Variants in SLC22A15 observed in about 807,000 individuals in gnomAD.
SLC22A15 encodes the protein solute carrier family 22 member 15, also known as flipt 1.
In SLC22A15, 45 loss-of-function variants were observed where a neutral mutation model predicts 62.7. That is an observed-to-expected ratio of 0.72 (90% CI 0.56 to 0.92). The LOEUF (loss-of-function observed/expected upper bound fraction) is 0.92, where lower values mean the gene tolerates loss of function less well. Ranked by LOEUF, SLC22A15 falls within the 40% of genes least tolerant of loss-of-function variation. The probability of loss-of-function intolerance (pLI) is 0.00; values close to 1 mark genes in which losing one functional copy is unlikely to be tolerated. For missense variants in SLC22A15, 622 were observed against 665.6 expected (o/e 0.93, Z 0.72); for synonymous variants, 264 against 267.0 (o/e 0.99, Z 0.11).
chr1:115,998,465 T>A (rs1655535358), intron 2 of SLC22A15, among the ~76,000 whole-genome samples: 1 of 152,136 alleles, frequency 6.6e-6, no homozygotes, highest in African/African-American at 2.4e-5. Flanking sequence ...TTGATCTGGT[T>A]ACTTGTTATT....
chr1:115,987,394 G>C (rs1269873579), intron 1 of SLC22A15, among the ~76,000 whole-genome samples: 1 of 152,072 alleles, frequency 6.6e-6, no homozygotes, highest in East Asian at 1.9e-4. Context: ...TCGATCTCCT[G>C]ACCTTGTGAT....
At chr1:116,056,798 C>A (rs560911134) in intron 8 of SLC22A15, among the ~76,000 whole-genome samples, 103 of 152,198 alleles carry the variant, frequency 6.8e-4, no homozygotes, top group East Asian at 5.4e-3. Context: ...AAAAACAAGA[C>A]ATGGGGAAAG....
At chr1:115,977,768 T>A (rs1654388707) in intron 1 of SLC22A15, among the ~76,000 whole-genome samples, 1 of 151,960 alleles carries the variant, frequency 6.6e-6, no homozygotes, top group South Asian at 2.1e-4. Context: ...AAGTACAGAG[T>A]GGTCATGGAT....
chr1:116,000,160 T>C (rs1655649012), intron 2 of SLC22A15, among the ~76,000 whole-genome samples: 1 of 152,200 alleles, frequency 6.6e-6, no homozygotes. Flanking sequence ...TGTTTTCTGG[T>C]TGTTTTGTGG....
intron 8 of SLC22A15, 79 bp downstream of exon 8, chr1:116,037,467 A>T: frequency 2.9e-6 from 3 of 1,031,314 alleles, no homozygotes; most frequent in Non-Finnish European, 4.5e-6. Flanking sequence ...AGAGATGACC[A>T]TATGGCATGC....
At chr1:116,049,081 G>A (rs1657993898) in intron 8 of SLC22A15, among the ~76,000 whole-genome samples, 1 of 152,102 alleles carries the variant, frequency 6.6e-6, no homozygotes, top group African/African-American at 2.4e-5. Flanking sequence ...CCTAACACTA[G>A]AGCTCTCAAA....
chr1:116,058,780 A>G (rs1052876443), intron 8 of SLC22A15, among the ~76,000 whole-genome samples: 9 of 152,240 alleles, frequency 5.9e-5, no homozygotes, highest in Admixed American at 2.0e-4. Flanking sequence ...AATACTACTC[A>G]GCCATAAAAA....
chr1:116,005,275 C>T (rs749551195), intron 2 of SLC22A15, among the ~76,000 whole-genome samples: 2 of 152,060 alleles, frequency 1.3e-5, no homozygotes, highest in Non-Finnish European at 2.9e-5. Flanking sequence ...CCTATCATTT[C>T]TGATATGCCT....
chr1:115,983,077 GT>G (rs1654690840), intron 1 of SLC22A15, among the ~76,000 whole-genome samples: 1 of 152,150 alleles, frequency 6.6e-6, no homozygotes, highest in Non-Finnish European at 1.5e-5. Context: ...CTTTAGTTGT[GT>G]TTATCTAAGG....
At chr1:116,040,609 A>G (rs1034116289) in intron 8 of SLC22A15, among the ~76,000 whole-genome samples, 1 of 151,958 alleles carries the variant, frequency 6.6e-6, no homozygotes, top group Non-Finnish European at 1.5e-5. Context: ...AAACTCTTAG[A>G]GAGATTTTTT....
intron 1 of SLC22A15, among the ~76,000 whole-genome samples, chr1:115,985,370 G>A (rs528597052): frequency 6.6e-6 from 1 of 152,270 alleles, no homozygotes; most frequent in South Asian, 2.1e-4. Context: ...CTAGGTTTGT[G>A]TAAGTGCACT....
At position 116,033,553 on chromosome 1, in the gene SLC22A15, G is replaced by GTC. The variant is rs79261641; in HGVS notation, c.945-1630_945-1629dup. Among the ~76,000 whole-genome samples, 118 of 109,414 alleles carry GTC rather than the reference G, an allele frequency of 1.1e-3. 1 individual carries two copies. Among genetic ancestry groups the GTC allele is most frequent in the African/African-American group, 3.4e-3 (108 of 31,668 alleles). 71.8% of individuals were successfully genotyped at this position (109,414 alleles called of 152,430 possible). A position where few individuals can be genotyped will look rare whatever the true frequency, so the allele number is the denominator to read the frequency against. On this transcript the variant is annotated intron_variant, in intron 6 of 11. Transcript: ENST00000369503. ...GTCACAGCTTGATTTAAATAGGGGTGTCTCTGTGTGTGTGTGTGTGTGTGT... is the reference window on the plus strand; with the variant it reads ...GTCACAGCTTGATTTAAATAGGGGTGTCTCTCTGTGTGTGTGTGTGTGTGTGT...
Position 116,020,772 on chromosome 1 carries a change from A to G in SLC22A15, c.485A>G (p.Tyr162Cys), listed in dbSNP as rs201922814. ...ATTGCAAATGGATTTTCCCCCTCAT[A>G]TGAGTTCTTTGCAGTAACTCGCTTC... Reference protein sequence around the residue: ...FAIANGFSPSYEFFAVTRFLV... With the variant: ...FAIANGFSPSCEFFAVTRFLV... Residue 162 changes from tyrosine to cysteine, a missense_variant, in exon 4 of 12, where the codon TAT becomes TGT. Physicochemically the swap from Tyr to Cys is radical, Grantham distance 194. Transcript: ENST00000369503. The G allele has an allele frequency of 1.9e-6, 3 of 1,613,614 alleles. No homozygotes were observed. Among genetic ancestry groups the G allele is most frequent in the Non-Finnish European group, 2.5e-6 (3 of 1,179,760 alleles).
intron 6 of SLC22A15, among the ~76,000 whole-genome samples, chr1:116,033,625 G>A (rs542899300): frequency 2.0e-5 from 3 of 151,664 alleles, no homozygotes; most frequent in African/African-American, 7.3e-5. Context: ...TATTGTAAAT[G>A]CAGAACAGAC....
chr1:116,016,065 T>C (rs985372335), intron 2 of SLC22A15, among the ~76,000 whole-genome samples: 1 of 152,116 alleles, frequency 6.6e-6, no homozygotes, highest in Non-Finnish European at 1.5e-5. Flanking sequence ...TATGAAACTT[T>C]CTTTCTCTTT....
At chr1:116,017,901 A>C (rs950500258) in intron 2 of SLC22A15, among the ~76,000 whole-genome samples, 1 of 152,218 alleles carries the variant, frequency 6.6e-6, no homozygotes, top group Non-Finnish European at 1.5e-5. Flanking sequence ...ACATCACTAG[A>C]CAAGACTTGA....
chr1:116,057,668 C>G (rs1482214704), intron 8 of SLC22A15, among the ~76,000 whole-genome samples: 2 of 152,130 alleles, frequency 1.3e-5, no homozygotes, highest in African/African-American at 4.8e-5. Context: ...AAATATCCAA[C>G]AACGATAGAG....
intron 8 of SLC22A15, among the ~76,000 whole-genome samples, chr1:116,053,083 G>T (rs1658105925): frequency 1.3e-5 from 2 of 152,022 alleles, no homozygotes; most frequent in African/African-American, 4.8e-5. Context: ...TTGAGAGAAG[G>T]CTTTAGACGA....
intron 8 of SLC22A15, among the ~76,000 whole-genome samples, chr1:116,052,387 C>T (rs1053669456): frequency 5.3e-5 from 8 of 152,252 alleles, no homozygotes; most frequent in South Asian, 2.1e-4. Context: ...GTAAACAAAG[C>T]AGCCGGGAAG....
Sources: allele counts gnomAD v4.1 joint callset (sites outside exome capture counted in the v4.1 genomes callset), GRCh38; gene constraint gnomAD v4.1.1; transcripts MANE v1.5; gene names NCBI Gene and HGNC (gene_info 2026-07-23, HGNC 2026-07-21).